The following POU6F2 variants were observed in gnomAD, a reference collection of about 807,000 sequenced individuals.
POU6F2 encodes POU class 6 homeobox 2.
Under a neutral mutation model 71.3 loss-of-function variants are expected in POU6F2, and 31 were observed. The ratio of observed to expected loss-of-function variants is 0.43; its 90% CI spans 0.33 to 0.59. The LOEUF (loss-of-function observed/expected upper bound fraction) is 0.59, where lower values mean the gene tolerates loss of function less well. Among genes scored for constraint, POU6F2 ranks in the 20% least tolerant of loss-of-function variants. POU6F2 has a pLI of 0.04. For missense variants in POU6F2, 783 were observed against 856.8 expected, an observed-to-expected ratio of 0.91 and a Z score of 1.07; for synonymous variants, 347 against 355.7, an observed-to-expected ratio of 0.98 and a Z score of 0.27.
intron 4 of POU6F2, among the ~76,000 whole-genome samples, chr7:39,237,757 A>G (rs1794699755): frequency 1.3e-5 from 2 of 152,152 alleles, no homozygotes; most frequent in African/African-American, 2.4e-5. Flanking sequence ...GGGCACCCAT[A>G]CAAAAGGGAA....
chr7:39,399,525 G>A (rs1427858310), intron 5 of POU6F2, among the ~76,000 whole-genome samples: 1 of 152,178 alleles, frequency 6.6e-6, no homozygotes, highest in Non-Finnish European at 1.5e-5. Flanking sequence ...TTATTATAAA[G>A]GATACAAATG....
chr7:39,081,878 A>G (rs1227604002), intron 1 of POU6F2, among the ~76,000 whole-genome samples: 1 of 152,200 alleles, frequency 6.6e-6, no homozygotes, highest in Non-Finnish European at 1.5e-5. Context: ...CTACTGGGTA[A>G]AAAAGGTGCT....
chr7:39,161,814 C>T (rs181905000), intron 2 of POU6F2, among the ~76,000 whole-genome samples: 2 of 152,164 alleles, frequency 1.3e-5, no homozygotes, highest in South Asian at 4.1e-4. Flanking sequence ...AGGAGGTAGA[C>T]TGCCCTGCAT....
At chr7:39,141,749 A>T (rs935522387) in intron 2 of POU6F2, among the ~76,000 whole-genome samples, 9 of 152,230 alleles carry the variant, frequency 5.9e-5, no homozygotes, top group African/African-American at 2.2e-4. Flanking sequence ...TACAGATGGA[A>T]ATTTAGGAAT....
intron 5 of POU6F2, among the ~76,000 whole-genome samples, chr7:39,365,102 A>C (rs908466901): frequency 6.6e-6 from 1 of 152,162 alleles, no homozygotes; most frequent in Middle Eastern, 3.4e-3. Flanking sequence ...CTTAGCCCAA[A>C]TCTGGAGGCA....
At chr7:39,405,033 T>A (rs1171748133) in intron 5 of POU6F2, 1 of 152,172 alleles carries the variant, frequency 6.6e-6, no homozygotes, top group Non-Finnish European at 1.5e-5. Flanking sequence ...TATTGTCTTT[T>A]AGGAGAGAGA....
chr7:39,400,174 G>A (rs1279844135), intron 5 of POU6F2, among the ~76,000 whole-genome samples: 1 of 152,174 alleles, frequency 6.6e-6, no homozygotes, highest in Non-Finnish European at 1.5e-5. Flanking sequence ...AATTCTCCTA[G>A]AGCCACCTCA....
At chr7:39,133,901 G>T (rs997352406) in intron 2 of POU6F2, among the ~76,000 whole-genome samples, 1 of 151,830 alleles carries the variant, frequency 6.6e-6, no homozygotes, top group African/African-American at 2.4e-5. Context: ...TTTTTAGACC[G>T]TCTCGCCCCA....
intron 7 of POU6F2, among the ~76,000 whole-genome samples, chr7:39,442,236 C>G (rs1788423298): frequency 6.6e-6 from 1 of 152,182 alleles, no homozygotes; most frequent in Non-Finnish European, 1.5e-5. Flanking sequence ...ATGCCATGAG[C>G]TCTTCCTTCA....
chr7:39,203,840 C>T (rs1793953449), intron 2 of POU6F2, among the ~76,000 whole-genome samples: 1 of 151,920 alleles, frequency 6.6e-6, no homozygotes, highest in African/African-American at 2.4e-5. Flanking sequence ...TGGGGAAAGC[C>T]ATATTAGGGA....
In POU6F2 at chr7:39,406,586, TTC is replaced by T. The variant is rs772938783; in HGVS notation, c.973-8_973-7del. ...TCTCGGTGGTTTTCACGGTGATCTT[TTC>T]TCTCTTTGCAGCTGGTTAATAATCC... On this transcript the variant is annotated splice_polypyrimidine_tract_variant and intron_variant, in intron 5 of 9. Transcript: ENST00000518318. 2.5e-5 allele frequency: 40 copies of T among 1,605,226 alleles called. No homozygotes were observed. The highest frequency in any genetic ancestry group is 1.4e-4 in the Admixed American group (8 of 59,258).
At chr7:39,434,131 G>A (rs1788174687) in intron 7 of POU6F2, among the ~76,000 whole-genome samples, 1 of 152,082 alleles carries the variant, frequency 6.6e-6, no homozygotes, top group Admixed American at 6.6e-5. Flanking sequence ...TAATGGCTTG[G>A]GAATGGAGTC....
chr7:39,075,275 C>G (rs988894505), intron 1 of POU6F2, among the ~76,000 whole-genome samples: 5 of 152,162 alleles, frequency 3.3e-5, no homozygotes, highest in Non-Finnish European at 5.9e-5. Context: ...CCCAAGAAAG[C>G]TAGACCAGGC....
At chr7:39,207,674 T>A in intron 4 of POU6F2, 54 bp downstream of exon 4, 2 of 1,515,810 alleles carry the variant, frequency 1.3e-6, no homozygotes, top group Non-Finnish European at 1.8e-6. Flanking sequence ...GCCAGTATTC[T>A]CTGAAGTGGG....
At chr7:39,088,980 C>G (rs1791311145) in intron 2 of POU6F2, among the ~76,000 whole-genome samples, 1 of 152,174 alleles carries the variant, frequency 6.6e-6, no homozygotes, top group African/African-American at 2.4e-5. Context: ...TAAATTGCAC[C>G]TCTGCACTTA....
intron 4 of POU6F2, among the ~76,000 whole-genome samples, chr7:39,254,054 A>C (rs1584627338): frequency 1.3e-5 from 2 of 152,280 alleles, no homozygotes; most frequent in South Asian, 4.1e-4. Flanking sequence ...CTGTCATTGC[A>C]CATGCTACCT....
At chr7:39,409,489 C>A (rs1787506939) in intron 6 of POU6F2, among the ~76,000 whole-genome samples, 1 of 152,128 alleles carries the variant, frequency 6.6e-6, no homozygotes, top group Admixed American at 6.5e-5. Flanking sequence ...GAGTTTAGGC[C>A]CCACCTCTTT....
At chr7:39,074,475 T>TC (rs201494494) in intron 1 of POU6F2, among the ~76,000 whole-genome samples, 1 of 150,302 alleles carries the variant, frequency 6.7e-6, no homozygotes, top group Non-Finnish European at 1.5e-5. Context: ...GTGAGACTTG[T>TC]CCCCCCCTCA....
At chr7:39,235,251 G>C (rs1794654337) in intron 4 of POU6F2, among the ~76,000 whole-genome samples, 2 of 152,078 alleles carry the variant, frequency 1.3e-5, no homozygotes, top group African/African-American at 4.8e-5. Flanking sequence ...TTTTAGAAAA[G>C]GAAAAGGAGG....
Sources: gnomAD v4.1 joint callset for allele counts (sites outside exome capture counted in the v4.1 genomes callset) on GRCh38, gnomAD v4.1.1 for gene constraint, MANE v1.5 for transcripts, NCBI Gene and HGNC (gene_info 2026-07-23, HGNC 2026-07-21) for gene names.